PDZRN3: variants seen among roughly 807,000 people sequenced by gnomAD.
The protein encoded by PDZRN3 is E3 ubiquitin-protein ligase PDZRN3.
Under a neutral mutation model 85.7 loss-of-function variants are expected in PDZRN3, and 38 were observed. The ratio of observed to expected loss-of-function variants is 0.44; its 90% CI spans 0.34 to 0.58. The LOEUF (loss-of-function observed/expected upper bound fraction) is 0.58, where lower values mean the gene tolerates loss of function less well. Among genes scored for constraint, PDZRN3 ranks in the 20% least tolerant of loss-of-function variants. The pLI, the probability that PDZRN3 is intolerant of heterozygous loss-of-function variation, is 0.01. For synonymous variants in PDZRN3, 759 were observed against 638.0 expected (o/e 1.19, Z -2.86); for missense variants, 1,629 against 1,506.4 (o/e 1.08, Z -1.35).
At chr3:73,562,727 T>C (rs1224386187) in intron 3 of PDZRN3, among the ~76,000 whole-genome samples, 2 of 152,012 alleles carry the variant, frequency 1.3e-5, no homozygotes, top group African/African-American at 4.8e-5. Context: ...CAGCTGTCTA[T>C]TCACTGAAAT....
intron 3 of PDZRN3, among the ~76,000 whole-genome samples, chr3:73,535,796 G>A (rs1291438387): frequency 6.6e-6 from 1 of 152,184 alleles, no homozygotes; most frequent in Non-Finnish European, 1.5e-5. Flanking sequence ...CCTTGAAGGT[G>A]ATTGTAGAAT....
At chr3:73,392,243 C>G (rs1397313995) in intron 5 of PDZRN3, among the ~76,000 whole-genome samples, 1 of 152,356 alleles carries the variant, frequency 6.6e-6, no homozygotes, top group South Asian at 2.1e-4. Flanking sequence ...GAGAAGTGGG[C>G]TGAGGGTGGC....
chr3:73,623,799 G>A (rs1702908085), intron 1 of PDZRN3: 1 of 290,488 alleles, frequency 3.4e-6, no homozygotes, highest in Non-Finnish European at 6.3e-6. Context: ...TTTGACTCTG[G>A]AGCTGCATTC....
chr3:73,484,221 G>A (rs1316955729), intron 3 of PDZRN3, among the ~76,000 whole-genome samples: 1 of 152,176 alleles, frequency 6.6e-6, no homozygotes. Context: ...AGGCAAAGAG[G>A]AGGAGAAGGA....
chr3:73,396,380 T>C (rs558301523), intron 5 of PDZRN3, among the ~76,000 whole-genome samples: 185 of 152,158 alleles, frequency 1.2e-3, no homozygotes, highest in Non-Finnish European at 1.5e-3. Context: ...TTTGCAGGCA[T>C]AGTACAAAAA....
intron 3 of PDZRN3, among the ~76,000 whole-genome samples, chr3:73,526,265 C>T (rs1704521936): frequency 6.6e-6 from 1 of 152,136 alleles, no homozygotes; most frequent in Non-Finnish European, 1.5e-5. Flanking sequence ...CTAATGCCAT[C>T]CACAGCCTCA....
intron 3 of PDZRN3, among the ~76,000 whole-genome samples, chr3:73,576,090 A>G (rs1296752208): frequency 6.6e-6 from 1 of 150,480 alleles, no homozygotes; most frequent in Non-Finnish European, 1.5e-5. Context: ...GGAAGAAATT[A>G]CACACATGCA....
At chr3:73,504,911 G>C (rs1226188980) in intron 3 of PDZRN3, among the ~76,000 whole-genome samples, 3 of 152,158 alleles carry the variant, frequency 2.0e-5, no homozygotes, top group Non-Finnish European at 1.5e-5. Flanking sequence ...GGCTTCCTGG[G>C]AAATTCTCTC....
chr3:73,624,877 T>TC lies in PDZRN3; in HGVS notation c.-53dup. Reference sequence around the variant, plus strand: ...GCCGGGCGGCCGGGCGCCCCCTCCCTCCCCACGAGGCGGCCCAGACAGGCC... The same window carrying TC: ...GCCGGGCGGCCGGGCGCCCCCTCCCTCCCCCACGAGGCGGCCCAGACAGGCC... On this transcript the variant is annotated 5_prime_UTR_variant, in exon 1 of 10. Transcript: ENST00000263666. 1 of 1,255,692 alleles carries TC rather than the reference T, an allele frequency of 8.0e-7. No individual in the cohort carries two copies. The highest frequency in any genetic ancestry group is 4.3e-5 in the Admixed American group (1 of 23,504). 77.8% of individuals were successfully genotyped at this position (1,255,692 alleles called of 1,614,324 possible). A position where few individuals can be genotyped will look rare whatever the true frequency, so the allele number is the denominator to read the frequency against.
chr3:73,578,810 T>C (rs952277794), intron 3 of PDZRN3, among the ~76,000 whole-genome samples: 2 of 152,114 alleles, frequency 1.3e-5, no homozygotes, highest in African/African-American at 4.8e-5. Flanking sequence ...TTTCAGCTAA[T>C]GAAGTGGAAA....
intron 3 of PDZRN3, among the ~76,000 whole-genome samples, chr3:73,445,294 T>C (rs758944296): frequency 6.6e-6 from 1 of 152,138 alleles, no homozygotes; most frequent in Non-Finnish European, 1.5e-5. Flanking sequence ...AATTGAGTCA[T>C]AGGCAACTTG....
chr3:73,441,877 A>T (rs770071904), intron 3 of PDZRN3, among the ~76,000 whole-genome samples: 1 of 152,204 alleles, frequency 6.6e-6, no homozygotes, highest in Non-Finnish European at 1.5e-5. Context: ...AGGACAAGGC[A>T]TGGCTTGCTG....
At chr3:73,444,886 C>T (rs62246076) in intron 3 of PDZRN3, among the ~76,000 whole-genome samples, 6,889 of 152,234 alleles carry the variant, frequency 0.045, 238 homozygotes, top group Non-Finnish European at 0.069. Flanking sequence ...CGTGAGGAAA[C>T]GCAGAAAGAG....
At chr3:73,427,917 G>A (rs1702350473) in intron 3 of PDZRN3, among the ~76,000 whole-genome samples, 2 of 152,208 alleles carry the variant, frequency 1.3e-5, no homozygotes, top group African/African-American at 4.8e-5. Context: ...GCACAGAGAG[G>A]TTAGAGTGGG....
chr3:73,408,298 T>C (rs1372811458), intron 3 of PDZRN3: 1 of 688,664 alleles, frequency 1.5e-6, no homozygotes, highest in Non-Finnish European at 2.6e-6. Context: ...TTTAGGGTAA[T>C]ATAAAGTTTA....
chr3:73,537,786 A>AT (rs11387585), intron 3 of PDZRN3, among the ~76,000 whole-genome samples: 64,845 of 137,276 alleles, frequency 0.47, 15,197 homozygotes, highest in African/African-American at 0.5. Context: ...CACCCGGCTA[A>AT]TTTTTTTTTT....
At chr3:73,486,637 T>TA (rs1270642062) in intron 3 of PDZRN3, among the ~76,000 whole-genome samples, 29 of 152,202 alleles carry the variant, frequency 1.9e-4, no homozygotes, top group Non-Finnish European at 1.6e-4. Flanking sequence ...AAGTATATTT[T>TA]ACCATAATTT....
chr3:73,423,967 G>A (rs1232453193), intron 3 of PDZRN3, among the ~76,000 whole-genome samples: 2 of 152,146 alleles, frequency 1.3e-5, no homozygotes, highest in East Asian at 1.9e-4. Flanking sequence ...TCCCCGTGAC[G>A]AGGAAGAGAT....
chr3:73,384,510 C>G lies in PDZRN3; in HGVS notation c.2056G>C (p.Glu686Gln), dbSNP rs1701311206. Residue 686 changes from glutamate (E) to glutamine (Q), a missense_variant, in exon 10 of 10, where the codon GAG becomes CAG. Transcript: ENST00000263666. Reference sequence around the variant, plus strand: ...CTGCGCAGCTCTTCGTTCAGCAGCTCCAGCTCCTTGTCCACGCTCTCAGGG... The same window carrying G: ...CTGCGCAGCTCTTCGTTCAGCAGCTGCAGCTCCTTGTCCACGCTCTCAGGG... Reference protein sequence around the residue: ...SDPESVDKELELLNEELRSIE... With the variant: ...SDPESVDKELQLLNEELRSIE... 1.2e-6 allele frequency: 2 copies of G among 1,613,610 alleles called. No individual in the cohort carries two copies. Among genetic ancestry groups the G allele is most frequent in the Admixed American group, 3.3e-5 (2 of 60,014 alleles).
Sources: allele counts gnomAD v4.1 joint callset (sites outside exome capture counted in the v4.1 genomes callset), GRCh38; gene constraint gnomAD v4.1.1; transcripts MANE v1.5; gene names NCBI Gene and HGNC (gene_info 2026-07-23, HGNC 2026-07-21).